The following IGSF11 variants were observed in gnomAD, a reference collection of about 807,000 sequenced individuals.
IGSF11 encodes the protein immunoglobulin superfamily member 11.
Under a neutral mutation model 41.0 loss-of-function variants are expected in IGSF11, and 22 were observed. The observed-to-expected ratio is 0.54, with a 90% confidence interval of 0.38 to 0.77. The LOEUF is 0.77. Among genes scored for constraint, IGSF11 ranks in the 30% least tolerant of loss-of-function variants. IGSF11 has a pLI of 0.00. For missense variants in IGSF11, 444 were observed against 530.8 expected (o/e 0.84, Z 1.61); for synonymous variants, 219 against 201.3 (o/e 1.09, Z -0.74).
chr3:118,993,080 G>T (rs1307770272), intron 1 of IGSF11, among the ~76,000 whole-genome samples: 1 of 152,110 alleles, frequency 6.6e-6, no homozygotes, highest in Non-Finnish European at 1.5e-5. Context: ...TTAAAAATTA[G>T]CTGGGCATGG....
intron 1 of IGSF11, among the ~76,000 whole-genome samples, chr3:119,082,603 G>T (rs1392851925): frequency 6.6e-6 from 1 of 152,046 alleles, no homozygotes; most frequent in African/African-American, 2.4e-5. Context: ...TTATGACAAA[G>T]TTCAATATTT....
At chr3:119,134,558 T>C (rs1309513948) in intron 1 of IGSF11, among the ~76,000 whole-genome samples, 2 of 151,910 alleles carry the variant, frequency 1.3e-5, no homozygotes, top group Admixed American at 6.6e-5. Flanking sequence ...CTCAATGAAA[T>C]AAAAGAGGAC....
intron 1 of IGSF11, among the ~76,000 whole-genome samples, chr3:119,047,959 G>C (rs559075836): frequency 5.8e-4 from 88 of 152,210 alleles, no homozygotes; most frequent in African/African-American, 1.9e-3. Context: ...CGAGAACAAA[G>C]ACATGACATA....
chr3:119,138,530 C>A (rs2077594975), intron 1 of IGSF11, among the ~76,000 whole-genome samples: 1 of 152,124 alleles, frequency 6.6e-6, no homozygotes, highest in Non-Finnish European at 1.5e-5. Flanking sequence ...ACTAAAAATA[C>A]AAAAATTTTC....
chr3:118,976,576 GAAC>G (rs1934132285), intron 1 of IGSF11, among the ~76,000 whole-genome samples: 1 of 152,156 alleles, frequency 6.6e-6, no homozygotes, highest in Admixed American at 6.5e-5. Context: ...CAGGAAAGGA[GAAC>G]AAAACTCCTG....
At chr3:119,139,315 A>G (rs1576843115) in intron 1 of IGSF11, among the ~76,000 whole-genome samples, 1 of 152,338 alleles carries the variant, frequency 6.6e-6, no homozygotes, top group Middle Eastern at 3.4e-3. Context: ...AAATCCATGT[A>G]AAGAATAAAG....
chr3:119,130,817 T>C (rs559642696), intron 1 of IGSF11, among the ~76,000 whole-genome samples: 1 of 152,266 alleles, frequency 6.6e-6, no homozygotes, highest in South Asian at 2.1e-4. Flanking sequence ...GGTGCCCCTC[T>C]GGGACGAAGC....
At chr3:119,055,865 A>G (rs1941811444) in intron 1 of IGSF11, among the ~76,000 whole-genome samples, 1 of 152,242 alleles carries the variant, frequency 6.6e-6, no homozygotes, top group Non-Finnish European at 1.5e-5. Context: ...CTGCTCCTGA[A>G]TGACTACTGG....
At chr3:119,035,211 T>C (rs1397644992), upstream of IGSF11, among the ~76,000 whole-genome samples, 4 of 152,240 alleles carry the variant, frequency 2.6e-5, no homozygotes, top group Non-Finnish European at 4.4e-5. Flanking sequence ...TTCCACAGCC[T>C]TCCTCTGAGC....
rs943364781 is a variant in IGSF11, at chr3:118,959,436, C to T, written c.53-29161G>A. Among the ~76,000 whole-genome samples the T allele has an allele frequency of 7.9e-5, 12 of 152,214 alleles. 1 individual carries two copies. Among genetic ancestry groups the T allele is most frequent in the East Asian group, 1.9e-4 (1 of 5,184 alleles). ...GAAGTGGTACCATACTCTAGACAAA[C>T]GAAACTCCAATAAATGCCTTACAGA... On this transcript the variant is annotated intron_variant, in intron 1 of 6. Transcript: ENST00000393775.
intron 1 of IGSF11, among the ~76,000 whole-genome samples, chr3:119,040,729 T>A (rs1351000990): frequency 6.6e-6 from 1 of 152,206 alleles, no homozygotes; most frequent in Non-Finnish European, 1.5e-5. Flanking sequence ...TCATGACACA[T>A]GTAGATACTG....
rs1361454882 is a variant in IGSF11 at position 119,052,495 on chromosome 3, G to C, written c.49+52649C>G. On this transcript the variant is annotated intron_variant, in intron 1 of 6. Coordinates refer to the IGSF11 transcript ENST00000354673. ...GGAAGGAGGAAGAGAGGGAGGGAGG[G>C]AGGGATTTAAAAATTGCCAACAAAA... Among the ~76,000 whole-genome samples, 3 of 133,696 alleles carry C rather than the reference G, an allele frequency of 2.2e-5. No individual in the cohort carries two copies. The Admixed American group carries it at 2.3e-4, about 10-fold the overall frequency. 87.7% of individuals were successfully genotyped at this position (133,696 alleles called of 152,430 possible). A position where few individuals can be genotyped will look rare whatever the true frequency, so the allele number is the denominator to read the frequency against.
At chr3:119,061,507 C>T (rs939275299) in intron 1 of IGSF11, among the ~76,000 whole-genome samples, 1 of 152,136 alleles carries the variant, frequency 6.6e-6, no homozygotes, top group African/African-American at 2.4e-5. Context: ...CTCCAAGTGG[C>T]AGTTTGTAGC....
At chr3:118,935,073 ACAC>A (rs1943138439) in intron 1 of IGSF11, among the ~76,000 whole-genome samples, 2 of 151,894 alleles carry the variant, frequency 1.3e-5, no homozygotes, top group Admixed American at 1.3e-4. Flanking sequence ...TAGTGTCAGA[ACAC>A]CACCAAGCTT....
intron 4 of IGSF11, among the ~76,000 whole-genome samples, chr3:118,917,192 A>C (rs1383351411): frequency 1.7e-4 from 25 of 147,002 alleles, no homozygotes; most frequent in African/African-American, 5.9e-4. Flanking sequence ...ATCACAATTA[A>C]AAGAACTAGA....
At chr3:119,029,279 A>C in intron 1 of IGSF11, among the ~76,000 whole-genome samples, 1 of 134,454 alleles carries the variant, frequency 7.4e-6, no homozygotes, top group African/African-American at 2.7e-5. Flanking sequence ...CACACACCCG[A>C]GAGAGAGAGA....
At chr3:118,911,820 C>A (rs1308761759) in intron 4 of IGSF11, among the ~76,000 whole-genome samples, 1 of 152,032 alleles carries the variant, frequency 6.6e-6, no homozygotes, top group African/African-American at 2.4e-5. Context: ...CAGTTTTGGG[C>A]AAACCTGGTC....
intron 1 of IGSF11, among the ~76,000 whole-genome samples, chr3:119,112,166 C>T (rs2077176131): frequency 6.6e-6 from 1 of 152,360 alleles, no homozygotes; most frequent in South Asian, 2.1e-4. Context: ...CTACTGCTGT[C>T]TTTTTGTTTG....
At chr3:119,129,340 G>A (rs891747259) in intron 1 of IGSF11, among the ~76,000 whole-genome samples, 6 of 152,080 alleles carry the variant, frequency 3.9e-5, no homozygotes, top group African/African-American at 1.4e-4. Context: ...ATTCACTGGT[G>A]ATAGTAAGTA....
Sources: allele counts gnomAD v4.1 joint callset (sites outside exome capture counted in the v4.1 genomes callset), GRCh38; gene constraint gnomAD v4.1.1; transcripts MANE v1.5; gene names NCBI Gene and HGNC (gene_info 2026-07-23, HGNC 2026-07-21).